The following VRK2 variants were observed in gnomAD, a reference collection of about 807,000 sequenced individuals.
VRK2 encodes serine/threonine-protein kinase VRK2.
VRK2 carries 60 observed loss-of-function variants against 57.6 expected under a neutral mutation model. The observed-to-expected ratio is 1.04, with a 90% CI of 0.85 to 1.29. VRK2 has a LOEUF of 1.29. Ranked by LOEUF, VRK2 falls within the 50% of genes most tolerant of loss-of-function variation. The pLI is 0.00. For missense variants in VRK2, 705 were observed against 588.1 expected, an observed-to-expected ratio of 1.20 and a Z score of -2.06; for synonymous variants, 231 against 199.2, an observed-to-expected ratio of 1.16 and a Z score of -1.35.
At chr2:57,919,288 T>A (rs1670258974) in intron 1 of VRK2, among the ~76,000 whole-genome samples, 1 of 152,102 alleles carries the variant, frequency 6.6e-6, no homozygotes, top group Non-Finnish European at 1.5e-5. Context: ...TTTTCCTAAA[T>A]GGAAATATAT....
intron 2 of VRK2, among the ~76,000 whole-genome samples, chr2:58,073,477 T>C (rs1669629875): frequency 6.6e-6 from 1 of 151,896 alleles, no homozygotes; most frequent in African/African-American, 2.4e-5. Flanking sequence ...CTCATGTATT[T>C]TAACATTCTG....
intron 1 of VRK2, among the ~76,000 whole-genome samples, chr2:57,940,693 T>A (rs931855732): frequency 1.3e-5 from 2 of 152,190 alleles, no homozygotes; most frequent in African/African-American, 4.8e-5. Flanking sequence ...TGTTAGTTCT[T>A]TTGAAAGAAC....
chr2:57,912,613 T>C (rs1670023944), intron 1 of VRK2, among the ~76,000 whole-genome samples: 1 of 152,172 alleles, frequency 6.6e-6, no homozygotes, highest in Non-Finnish European at 1.5e-5. Context: ...AAATTTTGTA[T>C]AAAGAGTTTC....
chr2:57,984,877 T>C (rs1403220532), intron 1 of VRK2, among the ~76,000 whole-genome samples: 1 of 152,074 alleles, frequency 6.6e-6, no homozygotes. Flanking sequence ...TAAAATTCAA[T>C]AGCTTTCCTT....
chr2:58,120,230 G>GC (rs1677263376), intron 7 of VRK2, among the ~76,000 whole-genome samples: 1 of 88,992 alleles, frequency 1.1e-5, no homozygotes, highest in Non-Finnish European at 2.0e-5. Context: ...TTGCTCTGTT[G>GC]CCCAGGCTGG....
chr2:58,089,581 C>T, intron 6 of VRK2, 50 bp from the exon 7 acceptor site: 1 of 1,157,870 alleles, frequency 8.6e-7, no homozygotes, highest in Admixed American at 2.4e-5. Context: ...TGAAATTGAT[C>T]ATGAGTTCTA....
intron 1 of VRK2, among the ~76,000 whole-genome samples, chr2:57,912,435 TC>T (rs1432232859): frequency 6.6e-6 from 1 of 152,072 alleles, no homozygotes; most frequent in Non-Finnish European, 1.5e-5. Flanking sequence ...GTTTTTTTTT[TC>T]ATACAAAAGA....
intron 1 of VRK2, among the ~76,000 whole-genome samples, chr2:58,006,383 C>T (rs1197361922): frequency 6.6e-6 from 1 of 152,136 alleles, no homozygotes; most frequent in East Asian, 1.9e-4. Context: ...CTTGGTTTGA[C>T]TTAGTGGAAA....
intron 1 of VRK2, among the ~76,000 whole-genome samples, chr2:57,961,261 C>A (rs1019346464): frequency 1.3e-5 from 2 of 152,210 alleles, no homozygotes; most frequent in Middle Eastern, 3.4e-3. Flanking sequence ...AAGAGTGATG[C>A]TTCATGCAGT....
chr2:58,061,929 TC>T (rs2103900403), intron 2 of VRK2, among the ~76,000 whole-genome samples: 1 of 152,156 alleles, frequency 6.6e-6, no homozygotes, highest in South Asian at 2.1e-4. Flanking sequence ...CCTTAGCATT[TC>T]TGCTTTATCT....
intron 1 of VRK2, among the ~76,000 whole-genome samples, chr2:57,959,774 T>C (rs750626196): frequency 2.6e-5 from 4 of 152,190 alleles, no homozygotes; most frequent in African/African-American, 4.8e-5. Context: ...GGAGAGATAC[T>C]GTAGCTGGCA....
At chr2:58,011,694 A>G (rs904643040) in intron 1 of VRK2, among the ~76,000 whole-genome samples, 1 of 152,046 alleles carries the variant, frequency 6.6e-6, no homozygotes, top group Non-Finnish European at 1.5e-5. Context: ...TTGACATTTT[A>G]TTTTGCAAAC....
intron 1 of VRK2, among the ~76,000 whole-genome samples, chr2:57,915,687 C>T (rs1055331595): frequency 6.6e-6 from 1 of 152,140 alleles, no homozygotes; most frequent in Non-Finnish European, 1.5e-5. Context: ...CTGTATTTGT[C>T]ATAAAAGGCT....
rs544412028 is a variant in VRK2, at chr2:57,955,994, T to G, written c.-439+48155T>G. Among the ~76,000 whole-genome samples, 31 of 152,272 alleles carry G rather than the reference T, an allele frequency of 2.0e-4. No individual in the cohort carries two copies. In the East Asian group the frequency reaches 5.0e-3, roughly 25 times the overall value. Reference sequence around the variant, plus strand: ...ATTTGGTTTAATGTAGAAATAAACTTGAAAATAAAAGTGTCCTATTTTCAC... The same window carrying G: ...ATTTGGTTTAATGTAGAAATAAACTGGAAAATAAAAGTGTCCTATTTTCAC... On this transcript the variant is annotated intron_variant, in intron 1 of 15. Transcript: ENST00000417641.
rs966506927 is a variant in VRK2 at position 58,138,676 on chromosome 2, G to T, written c.857-990G>T. ...GGATTAGGAAGTCACTCCTGCCAACGCATGAAGTTTCCCAGGTTTTCCCAC... is the reference window on the plus strand; with the variant it reads ...GGATTAGGAAGTCACTCCTGCCAACTCATGAAGTTTCCCAGGTTTTCCCAC... On this transcript the variant is annotated intron_variant, in intron 10 of 12. Coordinates refer to ENST00000340157, the MANE Select transcript of VRK2 (RefSeq NM_006296.7). 3.9e-5 allele frequency among the ~76,000 whole-genome samples: 6 copies of T among 152,112 alleles called. No individual in the cohort carries two copies. In the East Asian group the frequency reaches 1.2e-3, roughly 29 times the overall value.
At chr2:57,924,239 A>AT (rs1293631379) in intron 1 of VRK2, among the ~76,000 whole-genome samples, 2 of 151,712 alleles carry the variant, frequency 1.3e-5, no homozygotes, top group Non-Finnish European at 3.0e-5. Flanking sequence ...TTTTAGAATT[A>AT]TTTTTTCTAT....
intron 1 of VRK2, among the ~76,000 whole-genome samples, chr2:57,911,218 A>G (rs1395906553): frequency 6.6e-6 from 1 of 152,074 alleles, no homozygotes; most frequent in Non-Finnish European, 1.5e-5. Context: ...GATATTCTAG[A>G]TTATAAACAT....
At chr2:58,102,618 G>A (rs915823868) in intron 7 of VRK2, among the ~76,000 whole-genome samples, 3 of 151,122 alleles carry the variant, frequency 2.0e-5, no homozygotes, top group East Asian at 3.9e-4. Flanking sequence ...ACAATATTAC[G>A]AGACCTAAAT....
intron 2 of VRK2, among the ~76,000 whole-genome samples, chr2:58,030,570 G>A (rs1674081412): frequency 6.6e-6 from 1 of 151,994 alleles, no homozygotes; most frequent in South Asian, 2.1e-4. Flanking sequence ...TATTTGAAAT[G>A]CCTGTTAGAC....
Sources: gnomAD v4.1 joint callset for allele counts (sites outside exome capture counted in the v4.1 genomes callset) on GRCh38, gnomAD v4.1.1 for gene constraint, MANE v1.5 for transcripts, NCBI Gene and HGNC (gene_info 2026-07-23, HGNC 2026-07-21) for gene names.